KNDC1: variants seen among roughly 807,000 people sequenced by gnomAD.
The protein encoded by KNDC1 is kinase non-catalytic C-lobe domain containing 1.
A neutral mutation model predicts 172.8 loss-of-function variants in KNDC1; 106 were observed. The ratio of observed to expected loss-of-function variants is 0.61; its 90% confidence interval spans 0.52 to 0.72. The LOEUF is 0.72. Ranked by LOEUF, KNDC1 falls within the 30% of genes least tolerant of loss-of-function variation. The probability of loss-of-function intolerance (pLI) is 0.00; values close to 1 mark genes in which losing one functional copy is unlikely to be tolerated. For missense variants in KNDC1, 2,325 were observed against 2,394.5 expected (o/e 0.97, Z 0.61); for synonymous variants, 1,083 against 1,062.2 (o/e 1.02, Z -0.38).
At chr10:133,203,276 C>T (rs1206156486) in intron 17 of KNDC1, among the ~76,000 whole-genome samples, 1 of 150,310 alleles carries the variant, frequency 6.7e-6, no homozygotes, top group African/African-American at 2.4e-5. Flanking sequence ...GCACTCGGCC[C>T]CCAAACTCAC....
At chr10:133,168,899 G>C (rs537004908) in intron 3 of KNDC1, among the ~76,000 whole-genome samples, 11 of 152,304 alleles carry the variant, frequency 7.2e-5, no homozygotes, top group African/African-American at 2.4e-4. Flanking sequence ...GGGAGGAGTC[G>C]GGCAACGGCA....
chr10:133,195,084 A>G (rs1854151430), intron 9 of KNDC1, among the ~76,000 whole-genome samples: 1 of 152,244 alleles, frequency 6.6e-6, no homozygotes, highest in African/African-American at 2.4e-5. Flanking sequence ...CATGGGTTTC[A>G]TTGATTTTTA....
At chr10:133,162,073 G>A (rs561852620) in intron 1 of KNDC1, among the ~76,000 whole-genome samples, 2 of 152,318 alleles carry the variant, frequency 1.3e-5, no homozygotes, top group East Asian at 3.9e-4. Context: ...ATCCTGTGAC[G>A]TCCACCAAGG....
chr10:133,206,852 A>G lies in KNDC1; in HGVS notation c.3482-4A>G, dbSNP rs767805234. On this transcript the variant is annotated splice_polypyrimidine_tract_variant and splice_region_variant and intron_variant, in intron 18 of 29. Coordinates refer to ENST00000304613, the MANE Select transcript of KNDC1 (RefSeq NM_152643.8). The stretch of plus-strand genomic sequence containing the variant: ...GGCCCCCACCCACTCTGCTCCACCC[A>G]CAGGTTCCGACGTCAAGACCATGCT... 4 of 1,614,036 alleles carry G rather than the reference A, an allele frequency of 2.5e-6. No individual in the cohort carries two copies. Among genetic ancestry groups the G allele is most frequent in the Non-Finnish European group, 3.4e-6 (4 of 1,179,948 alleles).
At chr10:133,160,990 G>A (rs1195149511) in intron 1 of KNDC1, among the ~76,000 whole-genome samples, 1 of 151,982 alleles carries the variant, frequency 6.6e-6, no homozygotes, top group Non-Finnish European at 1.5e-5. Context: ...AGCGGGGGGT[G>A]GGGGGAGCGC....
At chr10:133,168,427 G>A (rs533646101) in intron 3 of KNDC1, 115 bp downstream of exon 3, 17 of 1,111,730 alleles carry the variant, frequency 1.5e-5, no homozygotes, top group East Asian at 2.5e-5. Context: ...GCCTCTGGCC[G>A]GGAGCGGAGC....
chr10:133,192,643 G>C (rs1482350084), intron 9 of KNDC1, among the ~76,000 whole-genome samples: 3 of 152,124 alleles, frequency 2.0e-5, no homozygotes, highest in African/African-American at 4.8e-5. Context: ...GGAAATTTTA[G>C]AGCTGATTTT....
intron 1 of KNDC1, among the ~76,000 whole-genome samples, chr10:133,164,533 C>G (rs942613110): frequency 6.6e-6 from 1 of 152,230 alleles, no homozygotes; most frequent in Non-Finnish European, 1.5e-5. Context: ...GCCGGCGTTG[C>G]TATTCACAGC....
chr10:133,177,762 G>A (rs1853589478), intron 3 of KNDC1, among the ~76,000 whole-genome samples: 1 of 151,962 alleles, frequency 6.6e-6, no homozygotes, highest in South Asian at 2.1e-4. Flanking sequence ...GTGCATACAT[G>A]TGTGTGGTAT....
chr10:133,170,759 G>C (rs925623806), intron 3 of KNDC1, among the ~76,000 whole-genome samples: 4 of 152,208 alleles, frequency 2.6e-5, no homozygotes, highest in Non-Finnish European at 4.4e-5. Context: ...TTTCACGTCT[G>C]GGTTGTGGAA....
intron 1 of KNDC1, among the ~76,000 whole-genome samples, chr10:133,161,051 CG>C (rs1255686895): frequency 6.6e-6 from 1 of 151,980 alleles, no homozygotes; most frequent in Non-Finnish European, 1.5e-5. Flanking sequence ...TCTGGTTTTC[CG>C]GGCCTTCACC....
At chr10:133,188,088 C>A (rs964046587) in intron 6 of KNDC1, among the ~76,000 whole-genome samples, 10 of 152,162 alleles carry the variant, frequency 6.6e-5, no homozygotes, top group Non-Finnish European at 1.3e-4. Flanking sequence ...CCATCCCTGT[C>A]CCGAGGCCAA....
In KNDC1 at chr10:133,183,886, G is replaced by A; in HGVS notation, c.522G>A (p.Leu174=). Reference sequence around the variant, plus strand: ...CCCGTCCCCAGAGCATCATCGCGCTGTGTGAAGAGAAGCTGCAGCTCACAT... The same window carrying A: ...CCCGTCCCCAGAGCATCATCGCGCTATGTGAAGAGAAGCTGCAGCTCACAT... The part of the protein sequence containing the change: ...DRPDLESIIA[L]CEEKLQLTSS... The change falls in exon 5 of 30, where the codon CTG becomes CTA. Residue 174 remains leucine (L), a synonymous_variant. Transcript: ENST00000304613. 5 of 1,595,758 alleles carry A rather than the reference G, an allele frequency of 3.1e-6. No homozygotes were observed. The highest frequency in any genetic ancestry group is 4.3e-6 in the Non-Finnish European group (5 of 1,166,542).
chr10:133,216,159 C>G (rs1241394983), intron 26 of KNDC1, among the ~76,000 whole-genome samples: 1 of 152,206 alleles, frequency 6.6e-6, no homozygotes, highest in Non-Finnish European at 1.5e-5. Flanking sequence ...CAGCAGTGAT[C>G]AATAAAAATG....
In KNDC1 at chr10:133,197,090, G is replaced by A; in HGVS notation, c.1767G>A (p.Met589Ile). Residue 589 changes from methionine to isoleucine, a missense_variant, in exon 11 of 30, where the codon ATG becomes ATA. Coordinates refer to ENST00000304613, the MANE Select transcript of KNDC1 (RefSeq NM_152643.8). The stretch of plus-strand genomic sequence containing the variant: ...GCAGCTACCTCCTCCAGCGAGGCAT[G>A]GACAGCCGGAAAATCCTTGCCCACC... The part of the protein sequence containing the change: ...VCGSYLLQRG[M>I]DSRKILAHLR... 1 of 1,613,282 alleles carries A rather than the reference G, an allele frequency of 6.2e-7. No homozygotes were observed. The highest frequency in any genetic ancestry group is 8.5e-7 in the Non-Finnish European group (1 of 1,179,908).
intron 10 of KNDC1, 97 bp downstream of exon 10, chr10:133,195,918 G>C: frequency 8.0e-7 from 1 of 1,250,134 alleles, no homozygotes; most frequent in South Asian, 1.6e-5. Flanking sequence ...CGGGCTGCCA[G>C]TGTCCAGGTG....
chr10:133,202,833 G>A, intron 17 of KNDC1: 1 of 350,410 alleles, frequency 2.9e-6, no homozygotes, highest in Non-Finnish European at 5.7e-6. Flanking sequence ...TACAGCCTCT[G>A]CACCTGCATC....
At chr10:133,213,009 T>G in intron 24 of KNDC1, 87 bp downstream of exon 24, 1 of 1,211,618 alleles carries the variant, frequency 8.3e-7, no homozygotes, top group Non-Finnish European at 1.1e-6. Flanking sequence ...CAGCGGCTGC[T>G]TCCAGAGGAA....
At chr10:133,184,179 C>T (rs1415856710) in intron 5 of KNDC1, among the ~76,000 whole-genome samples, 190 bp downstream of exon 5, 1 of 140,388 alleles carries the variant, frequency 7.1e-6, no homozygotes. Flanking sequence ...CACCTATGCA[C>T]ACACACACCT....
Sources: allele counts gnomAD v4.1 joint callset (sites outside exome capture counted in the v4.1 genomes callset), GRCh38; gene constraint gnomAD v4.1.1; transcripts MANE v1.5; gene names NCBI Gene and HGNC (gene_info 2026-07-23, HGNC 2026-07-21).